MLLT10: variants seen among roughly 807,000 people sequenced by gnomAD.
MLLT10 encodes protein AF-10.
A neutral mutation model predicts 129.1 loss-of-function variants in MLLT10; 30 were observed. The ratio of observed to expected loss-of-function variants is 0.23; its 90% CI spans 0.17 to 0.32. The LOEUF is 0.32. MLLT10 is among the 10% of genes least tolerant of loss of function. The pLI, the probability that MLLT10 is intolerant of heterozygous loss-of-function variation, is 1.00. For synonymous variants in MLLT10, 490 were observed against 446.4 expected (o/e 1.10, Z -1.23); for missense variants, 1,119 against 1,268.3 (o/e 0.88, Z 1.79).
chr10:21,539,491 G>A (rs1365078267), intron 3 of MLLT10, among the ~76,000 whole-genome samples: 4 of 150,844 alleles, frequency 2.7e-5, no homozygotes, highest in East Asian at 1.9e-4. Flanking sequence ...AATGAAGGAG[G>A]TGCCGGGTGC....
chr10:21,741,922 CTT>C lies in MLLT10; in HGVS notation c.3163-14_3163-13del, dbSNP rs1589954112. 1.7e-5 allele frequency: 28 copies of C among 1,609,450 alleles called. No individual in the cohort carries two copies. The highest frequency in any genetic ancestry group is 2.3e-5 in the Non-Finnish European group (27 of 1,178,768). ...AGTTGATTTAGCTAACGCATCTGCT[CTT>C]TTGTTTACCTGCAGAGACTTAGTGA... On this transcript the variant is annotated splice_polypyrimidine_tract_variant and intron_variant, in intron 22 of 22. Coordinates refer to ENST00000307729, the MANE Select transcript of MLLT10 (RefSeq NM_001195626.3).
At chr10:21,661,558 A>G (rs1477732009) in intron 9 of MLLT10, 2 of 152,204 alleles carry the variant, frequency 1.3e-5, no homozygotes, top group African/African-American at 4.8e-5. Flanking sequence ...TGTTCTGTTC[A>G]TAATATAGTA....
At chr10:21,605,823 G>C (rs1414730729) in intron 5 of MLLT10, among the ~76,000 whole-genome samples, 1 of 152,076 alleles carries the variant, frequency 6.6e-6, no homozygotes, top group South Asian at 2.1e-4. Context: ...TTGCTAGACT[G>C]TACTTAATTT....
At chr10:21,686,193 C>T (rs1378353580) in intron 13 of MLLT10, among the ~76,000 whole-genome samples, 1 of 152,124 alleles carries the variant, frequency 6.6e-6, no homozygotes, top group Non-Finnish European at 1.5e-5. Context: ...CAGGGCACCA[C>T]CACAAAACCA....
At chr10:21,712,093 C>T (rs79408997) in intron 13 of MLLT10, among the ~76,000 whole-genome samples, 7,342 of 152,096 alleles carry the variant, frequency 0.048, 278 homozygotes, top group Non-Finnish European at 0.073. Flanking sequence ...AAAAAAGATC[C>T]CGACGCCTTA....
intron 8 of MLLT10, among the ~76,000 whole-genome samples, chr10:21,619,934 CTTT>C (rs59738804): frequency 7.3e-6 from 1 of 136,242 alleles, no homozygotes; most frequent in Non-Finnish European, 1.6e-5. Context: ...TTTTTCTTTT[CTTT>C]TTTTTTTTTT....
chr10:21,697,983 C>T (rs750904352), intron 13 of MLLT10, among the ~76,000 whole-genome samples: 3 of 152,146 alleles, frequency 2.0e-5, no homozygotes, highest in Non-Finnish European at 2.9e-5. Flanking sequence ...GTGTTTGTTA[C>T]ATGCATAGAA....
In MLLT10 at chr10:21,595,088, T is replaced by C. The variant is rs185940962; in HGVS notation, c.296-243T>C. 3.5e-4 allele frequency among the ~76,000 whole-genome samples: 53 copies of C among 152,362 alleles called. No homozygotes were observed. In the East Asian group the frequency reaches 9.8e-3, roughly 28 times the overall value. ...AAGTGTTAGTGCCAACATCTGAATTTATAAATGTTTCCCTTTATTTATGTA... is the reference window on the plus strand; with the variant it reads ...AAGTGTTAGTGCCAACATCTGAATTCATAAATGTTTCCCTTTATTTATGTA... On this transcript the variant is annotated intron_variant, in intron 4 of 22. Coordinates refer to ENST00000307729, the MANE Select transcript of MLLT10 (RefSeq NM_001195626.3).
chr10:21,543,320 C>G (rs1287017657), intron 3 of MLLT10, among the ~76,000 whole-genome samples: 3 of 152,042 alleles, frequency 2.0e-5, no homozygotes, highest in African/African-American at 7.2e-5. Flanking sequence ...AGGGCTTCTC[C>G]ATTTTGGCCA....
In MLLT10 at chr10:21,740,036, C is replaced by T. The variant is rs766063866; in HGVS notation, c.2962C>T (p.His988Tyr). The change falls in exon 22 of 23, where the codon CAT becomes TAT. Residue 988 changes from histidine (H) to tyrosine (Y), a missense_variant. His to Tyr is a moderately conservative substitution (Grantham distance 83, BLOSUM62 2). Around this residue, in one of 5 missense-constraint regions of MLLT10, gnomAD observed 1,004 missense variants for 1,008.7 expected, o/e 1.00. Transcript: ENST00000307729. ...CACATGTTTTTTGCCTAAGGAACAA[C>T]ATCAAGCCTTTTTGTATCAGTTAAT... is the stretch of plus-strand genomic sequence containing the variant. ...LNSQQLTPEQ[H>Y]QAFLYQLMQH... 2.2e-5 allele frequency: 36 copies of T among 1,604,156 alleles called. No homozygotes were observed. The highest frequency in any genetic ancestry group is 2.9e-5 in the Non-Finnish European group (34 of 1,174,712).
chr10:21,624,844 G>A (rs1412102948), intron 8 of MLLT10: 3 of 1,096,156 alleles, frequency 2.7e-6, no homozygotes, highest in South Asian at 1.4e-5. Context: ...CTCTGCTGTT[G>A]TGCAGGACCC....
chr10:21,694,912 G>T (rs1291802014), intron 13 of MLLT10, among the ~76,000 whole-genome samples: 1 of 152,018 alleles, frequency 6.6e-6, no homozygotes, highest in Non-Finnish European at 1.5e-5. Flanking sequence ...GCTCTTAGAG[G>T]CTTTTATAAA....
At chr10:21,627,936 T>G (rs1411019676) in intron 8 of MLLT10, among the ~76,000 whole-genome samples, 2 of 152,232 alleles carry the variant, frequency 1.3e-5, no homozygotes, top group African/African-American at 4.8e-5. Context: ...TTTCTATTTT[T>G]CATGTTACCA....
chr10:21,670,323 C>A (rs2051261494), intron 9 of MLLT10, 126 bp from the exon 10 acceptor site: 2 of 867,752 alleles, frequency 2.3e-6, no homozygotes, highest in Admixed American at 7.2e-5. Flanking sequence ...GGTGAACTGA[C>A]TTATTTTTAG....
At chr10:21,625,154 A>AG (rs2046307626) in intron 8 of MLLT10, 1 of 1,176,660 alleles carries the variant, frequency 8.5e-7, no homozygotes, top group Non-Finnish European at 1.3e-6. Context: ...TGCGAGGAGG[A>AG]GGGTGTAGTG....
chr10:21,603,705 C>A (rs758117321), intron 5 of MLLT10, among the ~76,000 whole-genome samples: 9 of 152,086 alleles, frequency 5.9e-5, no homozygotes, highest in Non-Finnish European at 1.3e-4. Flanking sequence ...ATTAAAGAGG[C>A]TACAAGTCTG....
chr10:21,631,422 G>A (rs545359531), intron 8 of MLLT10, among the ~76,000 whole-genome samples: 3 of 149,484 alleles, frequency 2.0e-5, no homozygotes, highest in South Asian at 2.1e-4. Context: ...GTCTGACTAC[G>A]AAGTCCCTGG....
chr10:21,556,766 G>T, intron 3 of MLLT10: 1 of 1,604,650 alleles, frequency 6.2e-7, no homozygotes, highest in Non-Finnish European at 8.5e-7. Context: ...TCCAGTTTCT[G>T]GTGCTCTGAT....
chr10:21,646,112 A>G (rs2048448148), intron 8 of MLLT10, among the ~76,000 whole-genome samples: 1 of 152,178 alleles, frequency 6.6e-6, no homozygotes. Flanking sequence ...GGCTGTAGGC[A>G]TGATAATTGC....
Sources: allele counts gnomAD v4.1 joint callset (sites outside exome capture counted in the v4.1 genomes callset), GRCh38; gene constraint gnomAD v4.1.1; regional missense constraint gnomAD v4.1.1; transcripts MANE v1.5; gene names NCBI Gene and HGNC (gene_info 2026-07-23, HGNC 2026-07-21).